Variants in TAS2R1 observed in about 807,000 individuals in gnomAD.
The protein encoded by TAS2R1 is taste 2 receptor member 1, also known as taste receptor type 2 member 1.
For synonymous variants in TAS2R1, 141 were observed against 134.2 expected, an observed-to-expected ratio of 1.05 and a Z score of -0.35; for missense variants, 370 against 353.4, an observed-to-expected ratio of 1.05 and a Z score of -0.38.
At chr5:9,766,957 C>T in the TAS2R1 span, among the ~76,000 whole-genome samples, 1 of 152,130 alleles carries the variant, frequency 6.6e-6, no homozygotes, top group Non-Finnish European at 1.5e-5. Flanking sequence ...GGGCTCCATC[C>T]TATGCTCTCT....
intron 1 of TAS2R1, among the ~76,000 whole-genome samples, chr5:9,691,641 T>G (rs910920052): frequency 1.3e-5 from 2 of 152,210 alleles, no homozygotes; most frequent in African/African-American, 4.8e-5. Flanking sequence ...ACTGAAGAAG[T>G]GAAGCAAAAG....
At chr5:9,900,689 C>T in the TAS2R1 span, among the ~76,000 whole-genome samples, 1 of 142,916 alleles carries the variant, frequency 7.0e-6, no homozygotes, top group South Asian at 2.2e-4. Context: ...GGCGTGATCT[C>T]GGCTCACTGC....
At chr5:9,851,610 C>T in the TAS2R1 span, among the ~76,000 whole-genome samples, 1 of 151,534 alleles carries the variant, frequency 6.6e-6, no homozygotes, top group African/African-American at 2.4e-5. Context: ...CCCAGTTGGT[C>T]ATCTGCAGAA....
chr5:9,749,146 C>G, the TAS2R1 span, among the ~76,000 whole-genome samples: 1 of 152,290 alleles, frequency 6.6e-6, no homozygotes, highest in South Asian at 2.1e-4. Context: ...GAATTTTACT[C>G]AGAAGACTCT....
chr5:9,737,924 T>C, the TAS2R1 span, among the ~76,000 whole-genome samples: 1 of 152,292 alleles, frequency 6.6e-6, no homozygotes, highest in Middle Eastern at 3.4e-3. Flanking sequence ...TTCCCTGTGT[T>C]GTTCTGTCTG....
At chr5:9,683,126 GT>G (rs1020660497) in intron 1 of TAS2R1, among the ~76,000 whole-genome samples, 1 of 151,796 alleles carries the variant, frequency 6.6e-6, no homozygotes, top group African/African-American at 2.4e-5. Flanking sequence ...TACAAAACTT[GT>G]TTTTTTCCTG....
the TAS2R1 span, among the ~76,000 whole-genome samples, chr5:9,847,561 A>G: frequency 2.4e-3 from 364 of 152,340 alleles, 1 homozygote; most frequent in African/African-American, 8.3e-3. Flanking sequence ...GGATGCAGCT[A>G]GAGCAAAATA....
At chr5:9,827,578 ACACCCGGGTGTGGTGGCATG>A in the TAS2R1 span, among the ~76,000 whole-genome samples, 2 of 145,364 alleles carry the variant, frequency 1.4e-5, 1 homozygote, top group East Asian at 4.1e-4. Context: ...CTATACACAC[ACACCCGGGTGTGGTGGCATG>A]CACACACACA....
the TAS2R1 span, among the ~76,000 whole-genome samples, chr5:9,870,468 C>T: frequency 2.6e-5 from 4 of 152,194 alleles, no homozygotes; most frequent in Admixed American, 2.6e-4. Context: ...GTAGTCTTAG[C>T]TGTCACATGG....
chr5:9,707,282 C>G (rs1279672043), intron 1 of TAS2R1, among the ~76,000 whole-genome samples: 1 of 152,162 alleles, frequency 6.6e-6, no homozygotes, highest in Non-Finnish European at 1.5e-5. Flanking sequence ...AGACTCCCAA[C>G]TCCCCAGCAC....
At chr5:9,745,609 C>T in the TAS2R1 span, among the ~76,000 whole-genome samples, 2 of 152,110 alleles carry the variant, frequency 1.3e-5, no homozygotes, top group East Asian at 1.9e-4. Flanking sequence ...TCAGAAATAA[C>T]ACCACACATC....
At chr5:9,681,618 C>CTCTCAGA (rs1047673376) in intron 1 of TAS2R1, among the ~76,000 whole-genome samples, 2 of 150,334 alleles carry the variant, frequency 1.3e-5, no homozygotes, top group Admixed American at 1.3e-4. Context: ...TCCTAGATCT[C>CTCTCAGA]TCTCAGAAAA....
chr5:9,697,857 A>G (rs760628100), intron 1 of TAS2R1, among the ~76,000 whole-genome samples: 7 of 152,138 alleles, frequency 4.6e-5, no homozygotes, highest in Admixed American at 6.5e-5. Context: ...ATTATTTTAT[A>G]TAATTCTAGT....
the TAS2R1 span, among the ~76,000 whole-genome samples, chr5:9,898,495 C>T: frequency 2.0e-4 from 30 of 152,178 alleles, no homozygotes; most frequent in Non-Finnish European, 3.7e-4. Flanking sequence ...AACACTGAGG[C>T]CTCTCGCACA....
At chr5:9,832,436 A>T in the TAS2R1 span, among the ~76,000 whole-genome samples, 1 of 152,244 alleles carries the variant, frequency 6.6e-6, no homozygotes, top group Admixed American at 6.5e-5. Flanking sequence ...AACGTAAGGC[A>T]AAACTATGAG....
At chr5:9,777,912 C>T in the TAS2R1 span, among the ~76,000 whole-genome samples, 3 of 136,086 alleles carry the variant, frequency 2.2e-5, no homozygotes, top group East Asian at 2.2e-4. Context: ...CTTGCTCTGT[C>T]GCCCAGGCCG....
At chr5:9,829,157 G>C in the TAS2R1 span, among the ~76,000 whole-genome samples, 1 of 152,214 alleles carries the variant, frequency 6.6e-6, no homozygotes, top group Non-Finnish European at 1.5e-5. Context: ...TCTACTGCTA[G>C]GGAGAAAAAT....
At chr5:9,896,521 G>A in the TAS2R1 span, among the ~76,000 whole-genome samples, 93 of 151,988 alleles carry the variant, frequency 6.1e-4, no homozygotes, top group Admixed American at 1.2e-3. Context: ...TTCTCTAACC[G>A]CCGACCCAAA....
At chr5:9,695,546 A>G (rs1051791951) in intron 1 of TAS2R1, among the ~76,000 whole-genome samples, 1 of 152,150 alleles carries the variant, frequency 6.6e-6, no homozygotes, top group Non-Finnish European at 1.5e-5. Context: ...CTGAAGATGG[A>G]CAAACCTTTC....
Sources: gnomAD v4.1 joint callset for allele counts (sites outside exome capture counted in the v4.1 genomes callset) on GRCh38, gnomAD v4.1.1 for gene constraint, MANE v1.5 for transcripts, NCBI Gene and HGNC (gene_info 2026-07-23, HGNC 2026-07-21) for gene names.